The following PKNOX2 variants were observed in gnomAD, a reference collection of about 807,000 sequenced individuals.
PKNOX2 encodes the protein homeobox protein PKNOX2.
In PKNOX2, 14 loss-of-function variants were observed where a neutral mutation model predicts 53.1. The ratio of observed to expected loss-of-function variants is 0.26; its 90% confidence interval spans 0.17 to 0.41. PKNOX2 has a LOEUF of 0.41. Among genes scored for constraint, PKNOX2 ranks in the 10% least tolerant of loss-of-function variants. PKNOX2 has a pLI of 1.00. For missense variants in PKNOX2, 496 were observed against 602.8 expected (o/e 0.82, Z 1.85); for synonymous variants, 257 against 242.8 (o/e 1.06, Z -0.54).
At chr11:125,308,834 C>T (rs1009005746) in intron 2 of PKNOX2, among the ~76,000 whole-genome samples, 17 of 152,168 alleles carry the variant, frequency 1.1e-4, no homozygotes, top group Non-Finnish European at 2.2e-4. Flanking sequence ...GTCCCTTCCA[C>T]CCTCTGTCCT....
chr11:125,390,367 C>G (rs1009287701), intron 6 of PKNOX2, among the ~76,000 whole-genome samples: 1 of 152,172 alleles, frequency 6.6e-6, no homozygotes, highest in Non-Finnish European at 1.5e-5. Context: ...TGACCACACC[C>G]AAAGCAGCTC....
At chr11:125,318,876 G>T (rs907884521) in intron 2 of PKNOX2, among the ~76,000 whole-genome samples, 8 of 152,098 alleles carry the variant, frequency 5.3e-5, no homozygotes, top group Non-Finnish European at 1.0e-4. Context: ...GTGTCTGGCG[G>T]TTCCTCTCAC....
intron 3 of PKNOX2, among the ~76,000 whole-genome samples, chr11:125,341,569 G>A (rs550851522): frequency 1.2e-4 from 18 of 152,332 alleles, no homozygotes; most frequent in African/African-American, 4.3e-4. Context: ...ACATGCGGGT[G>A]AGGAGCAGAT....
Position 125,347,887 on chromosome 11 carries a change from C to T in PKNOX2, c.-22-3397C>T, listed in dbSNP as rs570129496. Reference sequence around the variant, plus strand: ...ATGGGAAATCTCTCCATGGGAGATGCTCCTCATCTGTCCTCCACTTGCAGT... The same window carrying T: ...ATGGGAAATCTCTCCATGGGAGATGTTCCTCATCTGTCCTCCACTTGCAGT... On this transcript the variant is annotated intron_variant, in intron 3 of 12. Transcript: ENST00000298282. Among the ~76,000 whole-genome samples the T allele has an allele frequency of 1.3e-3, 205 of 152,338 alleles. 1 individual carries two copies. Among genetic ancestry groups the T allele is most frequent in the African/African-American group, 4.7e-3 (194 of 41,574 alleles).
At chr11:125,379,131 G>T (rs1201783660) in intron 5 of PKNOX2, among the ~76,000 whole-genome samples, 1 of 150,766 alleles carries the variant, frequency 6.6e-6, no homozygotes, top group African/African-American at 2.4e-5. Context: ...CGAGATGTCG[G>T]CTCACTGCGA....
intron 1 of PKNOX2, among the ~76,000 whole-genome samples, chr11:125,173,778 G>A (rs1324082570): frequency 3.3e-5 from 5 of 152,196 alleles, no homozygotes; most frequent in African/African-American, 4.8e-5. Flanking sequence ...TGGACCCCTG[G>A]GTGGAAAGAA....
intron 2 of PKNOX2, chr11:125,239,957 A>G (rs1943019001): frequency 1.3e-5 from 2 of 152,360 alleles, no homozygotes; most frequent in South Asian, 4.1e-4. Flanking sequence ...TGCTTTCTAA[A>G]TGTAGAATTT....
intron 2 of PKNOX2, among the ~76,000 whole-genome samples, chr11:125,237,059 C>A (rs1942753025): frequency 6.6e-6 from 1 of 152,164 alleles, no homozygotes; most frequent in African/African-American, 2.4e-5. Context: ...TCAGTGGGGG[C>A]AGCTCAAAAG....
At chr11:125,236,243 C>G (rs556349967) in intron 2 of PKNOX2, among the ~76,000 whole-genome samples, 16 of 152,278 alleles carry the variant, frequency 1.1e-4, no homozygotes, top group Non-Finnish European at 2.2e-4. Context: ...CAGCGCCGGT[C>G]GCCTCTGTGA....
intron 9 of PKNOX2, chr11:125,411,266 G>A (rs1010689330): frequency 3.3e-6 from 1 of 304,054 alleles, no homozygotes; most frequent in Admixed American, 4.6e-5. Flanking sequence ...ACTTCTTATT[G>A]ATAAAAGGGG....
At chr11:125,321,640 G>A (rs1185250155) in intron 2 of PKNOX2, among the ~76,000 whole-genome samples, 1 of 152,188 alleles carries the variant, frequency 6.6e-6, no homozygotes, top group African/African-American at 2.4e-5. Flanking sequence ...CATCACAGTG[G>A]GAAACAGCCA....
chr11:125,177,814 C>T (rs374548643), intron 1 of PKNOX2, among the ~76,000 whole-genome samples: 1 of 152,120 alleles, frequency 6.6e-6, no homozygotes, highest in African/African-American at 2.4e-5. Context: ...CTGGCTGGGA[C>T]AGCAATGTCA....
Position 125,430,085 on chromosome 11 carries a change from C to G in PKNOX2, c.1136C>G (p.Ser379Cys). The G allele has an allele frequency of 1.2e-6, 2 of 1,614,170 alleles. No homozygotes were observed. Among genetic ancestry groups the G allele is most frequent in the Non-Finnish European group, 8.5e-7 (1 of 1,180,024 alleles). ...CCCACCCAAAGATTCTGGCCCAACTCCATCGCTGCGGGGGTGCTGCAGCAG... is the reference window on the plus strand; with the variant it reads ...CCCACCCAAAGATTCTGGCCCAACTGCATCGCTGCGGGGGTGCTGCAGCAG... ...HRPTQRFWPNSIAAGVLQQQG... is the reference protein window; with the variant it reads ...HRPTQRFWPNCIAAGVLQQQG... Residue 379 changes from serine (S) to cysteine (C), a missense_variant, in exon 12 of 13, where the codon TCC becomes TGC. Physicochemically the swap from Ser to Cys is moderately radical, Grantham distance 112. Coordinates refer to ENST00000298282, the MANE Select transcript of PKNOX2 (RefSeq NM_001382323.2).
chr11:125,327,862 G>A (rs116547851), intron 2 of PKNOX2, among the ~76,000 whole-genome samples: 2,809 of 152,308 alleles, frequency 0.018, 84 homozygotes, highest in African/African-American at 0.063. Flanking sequence ...GCCCTGAAGC[G>A]GTGCCCTGTG....
At chr11:125,260,716 A>C (rs1465038292) in intron 2 of PKNOX2, among the ~76,000 whole-genome samples, 1 of 152,056 alleles carries the variant, frequency 6.6e-6, no homozygotes, top group East Asian at 1.9e-4. Context: ...CATTAAGACT[A>C]CATCTTCTGC....
intron 2 of PKNOX2, among the ~76,000 whole-genome samples, chr11:125,295,049 G>C (rs1470916624): frequency 6.6e-6 from 1 of 152,162 alleles, no homozygotes; most frequent in Non-Finnish European, 1.5e-5. Context: ...GCCTTCTGGA[G>C]GGCTGGCCAG....
At chr11:125,331,479 T>A (rs1950141030) in intron 2 of PKNOX2, 1 of 152,248 alleles carries the variant, frequency 6.6e-6, no homozygotes, top group African/African-American at 2.4e-5. Flanking sequence ...AGATGTCAGC[T>A]GTGGTCTTCC....
At chr11:125,170,241 G>C in intron 1 of PKNOX2, among the ~76,000 whole-genome samples, 1 of 152,288 alleles carries the variant, frequency 6.6e-6, no homozygotes, top group Middle Eastern at 3.4e-3. Context: ...CTTCTGTTCC[G>C]GTGTCTGATT....
At chr11:125,206,255 A>T (rs614265) in intron 1 of PKNOX2, among the ~76,000 whole-genome samples, 2 of 151,612 alleles carry the variant, frequency 1.3e-5, no homozygotes, top group African/African-American at 4.8e-5. Flanking sequence ...GAGGGATTGT[A>T]GGCTCGGACT....
Sources: allele counts gnomAD v4.1 joint callset (sites outside exome capture counted in the v4.1 genomes callset), GRCh38; gene constraint gnomAD v4.1.1; transcripts MANE v1.5; gene names NCBI Gene and HGNC (gene_info 2026-07-23, HGNC 2026-07-21).